EFNA5: variants seen among roughly 807,000 people sequenced by gnomAD.
EFNA5 encodes ephrin A5.
A neutral mutation model predicts 22.9 loss-of-function variants in EFNA5; 5 were observed. The ratio of observed to expected loss-of-function variants is 0.22; its 90% CI spans 0.11 to 0.46. The LOEUF (loss-of-function observed/expected upper bound fraction) is 0.46, where lower values mean the gene tolerates loss of function less well. Ranked by LOEUF, EFNA5 falls within the 20% of genes least tolerant of loss-of-function variation. EFNA5 has a pLI of 0.99. For synonymous variants in EFNA5, 113 were observed against 112.2 expected, an observed-to-expected ratio of 1.01 and a Z score of -0.04; for missense variants, 237 against 293.3, an observed-to-expected ratio of 0.81 and a Z score of 1.40.
intron 1 of EFNA5, among the ~76,000 whole-genome samples, chr5:107,533,587 T>C (rs1216089619): frequency 1.3e-5 from 2 of 152,220 alleles, no homozygotes; most frequent in Non-Finnish European, 2.9e-5. Flanking sequence ...AAGGAAGGTC[T>C]ACCTAATCTT....
intron 1 of EFNA5, among the ~76,000 whole-genome samples, chr5:107,532,918 C>T (rs1033414345): frequency 2.0e-5 from 3 of 152,134 alleles, no homozygotes; most frequent in Admixed American, 1.3e-4. Flanking sequence ...AAGACTATTC[C>T]CCCGGGTCTC....
Position 107,617,134 on chromosome 5 carries a change from G to A in EFNA5, c.125+53355C>T, listed in dbSNP as rs77631618. On this transcript the variant is annotated intron_variant, in intron 1 of 4. Transcript: ENST00000333274. ...TATTAACCCTAATTCAGCAGATACC[G>A]CTACTCTTATCCTACCTTACCATAA... Among the ~76,000 whole-genome samples, 1,096 of 151,130 alleles carry A rather than the reference G, an allele frequency of 7.3e-3. 14 individuals carry two copies. The highest frequency in any genetic ancestry group is 0.025 in the African/African-American group (1,010 of 41,104).
At chr5:107,526,637 T>C (rs965685100) in intron 1 of EFNA5, among the ~76,000 whole-genome samples, 1 of 152,216 alleles carries the variant, frequency 6.6e-6, no homozygotes, top group South Asian at 2.1e-4. Flanking sequence ...GAAAAGTATA[T>C]AGAAAAGAAC....
intron 1 of EFNA5, among the ~76,000 whole-genome samples, chr5:107,643,217 C>T (rs933772734): frequency 6.6e-6 from 1 of 152,114 alleles, no homozygotes; most frequent in African/African-American, 2.4e-5. Context: ...ATGCTAGTGC[C>T]CCCATTGTGC....
At chr5:107,399,236 G>A (rs1580424824) in intron 2 of EFNA5, among the ~76,000 whole-genome samples, 1 of 151,946 alleles carries the variant, frequency 6.6e-6, no homozygotes, top group South Asian at 2.1e-4. Context: ...CAGATCACCT[G>A]AGGGTCAGAA....
chr5:107,409,703 T>A (rs1240448737), intron 2 of EFNA5, among the ~76,000 whole-genome samples: 1 of 152,200 alleles, frequency 6.6e-6, no homozygotes, highest in African/African-American at 2.4e-5. Flanking sequence ...TGAAGCCAAC[T>A]AGTTAAATTG....
intron 1 of EFNA5, among the ~76,000 whole-genome samples, chr5:107,654,214 T>C (rs1052726185): frequency 6.6e-6 from 1 of 152,144 alleles, no homozygotes; most frequent in African/African-American, 2.4e-5. Context: ...TTTGTTCTAA[T>C]ACCATATTAG....
intron 1 of EFNA5, among the ~76,000 whole-genome samples, chr5:107,466,681 T>G (rs974524249): frequency 6.6e-6 from 1 of 152,176 alleles, no homozygotes; most frequent in Non-Finnish European, 1.5e-5. Flanking sequence ...TCACTCGGTG[T>G]CTACAAGAGG....
intron 1 of EFNA5, among the ~76,000 whole-genome samples, chr5:107,635,496 T>G (rs1389424359): frequency 6.6e-6 from 1 of 152,200 alleles, no homozygotes; most frequent in East Asian, 1.9e-4. Context: ...CAGTTGGCAG[T>G]ATTTGAATTT....
intron 1 of EFNA5, among the ~76,000 whole-genome samples, 182 bp from the exon 2 acceptor site, chr5:107,427,691 AAGCCATTTTAC>A (rs1039746362): frequency 9.2e-5 from 14 of 151,872 alleles, no homozygotes; most frequent in Non-Finnish European, 2.1e-4. Flanking sequence ...AAGCCACAAA[AAGCCATTTTAC>A]AGTGAGATTC....
chr5:107,541,288 T>C (rs751763063), intron 1 of EFNA5, among the ~76,000 whole-genome samples: 2 of 152,180 alleles, frequency 1.3e-5, no homozygotes, highest in African/African-American at 2.4e-5. Context: ...CTTTCATAAG[T>C]ATACAGACAA....
intron 1 of EFNA5, among the ~76,000 whole-genome samples, chr5:107,439,040 A>T (rs1749186998): frequency 6.6e-6 from 1 of 152,064 alleles, no homozygotes; most frequent in South Asian, 2.1e-4. Context: ...TTATTATTTT[A>T]GCAGTGTTAC....
chr5:107,572,105 T>A (rs148974500), intron 1 of EFNA5, among the ~76,000 whole-genome samples: 4 of 151,752 alleles, frequency 2.6e-5, no homozygotes, highest in Non-Finnish European at 5.9e-5. Context: ...TTGAGCCAAA[T>A]TGACTAAAAA....
intron 2 of EFNA5, among the ~76,000 whole-genome samples, chr5:107,390,206 TA>T (rs1747748659): frequency 6.6e-6 from 1 of 152,208 alleles, no homozygotes; most frequent in South Asian, 2.1e-4. Flanking sequence ...GTTTTCCATG[TA>T]GTAGCAAAAC....
intron 1 of EFNA5, among the ~76,000 whole-genome samples, chr5:107,595,122 T>C (rs1022703294): frequency 1.4e-5 from 2 of 147,382 alleles, no homozygotes; most frequent in Non-Finnish European, 2.9e-5. Context: ...AAAACCAAGA[T>C]TGAACCTTTG....
At chr5:107,613,493 A>G (rs1195967653) in intron 1 of EFNA5, among the ~76,000 whole-genome samples, 1 of 152,110 alleles carries the variant, frequency 6.6e-6, no homozygotes, top group Non-Finnish European at 1.5e-5. Flanking sequence ...GACCCTTGCT[A>G]TATGAACTTC....
rs892158806 is a variant in EFNA5, at chr5:107,428,847, G to A, written c.126-1338C>T. ...CGCTTCTGTGTAATTTCTACCCAGTGATCCTACTTCTGCTGCCTGGAATTA... is the reference window on the plus strand; with the variant it reads ...CGCTTCTGTGTAATTTCTACCCAGTAATCCTACTTCTGCTGCCTGGAATTA... On this transcript the variant is annotated intron_variant, in intron 1 of 4. Transcript: ENST00000333274. Among the ~76,000 whole-genome samples the A allele has an allele frequency of 3.9e-5, 6 of 152,166 alleles. No homozygotes were observed. In the East Asian group the frequency reaches 1.2e-3, roughly 29 times the overall value.
At chr5:107,489,875 T>C (rs151203643) in intron 1 of EFNA5, among the ~76,000 whole-genome samples, 31 of 152,188 alleles carry the variant, frequency 2.0e-4, no homozygotes, top group Non-Finnish European at 3.8e-4. Flanking sequence ...GAATGCAACA[T>C]CCTGAGATAA....
chr5:107,597,101 A>G (rs1749489825), intron 1 of EFNA5, among the ~76,000 whole-genome samples: 1 of 152,182 alleles, frequency 6.6e-6, no homozygotes, highest in African/African-American at 2.4e-5. Context: ...CCACGCACAT[A>G]AAAACTGTTT....
Sources: gnomAD v4.1 joint callset for allele counts (sites outside exome capture counted in the v4.1 genomes callset) on GRCh38, gnomAD v4.1.1 for gene constraint, MANE v1.5 for transcripts, NCBI Gene and HGNC (gene_info 2026-07-23, HGNC 2026-07-21) for gene names.